TREML4: variants seen among roughly 807,000 people sequenced by gnomAD.
TREML4 encodes triggering receptor expressed on myeloid cells like 4.
A neutral mutation model predicts 25.4 loss-of-function variants in TREML4; 25 were observed. The observed-to-expected ratio is 0.98, with a 90% CI of 0.72 to 1.37. The LOEUF (loss-of-function observed/expected upper bound fraction) is 1.37. Ranked by LOEUF, TREML4 falls within the 40% of genes most tolerant of loss-of-function variation. TREML4 has a pLI of 0.00. For synonymous variants in TREML4, 92 were observed against 87.9 expected (o/e 1.05, Z -0.26); for missense variants, 268 against 236.5 (o/e 1.13, Z -0.87).
rs1383963681 is a variant in TREML4, at chr6:41,228,899, C to G, written c.249C>G (p.Ile83Met). 1 of 1,614,066 alleles carries G rather than the reference C, an allele frequency of 6.2e-7. No individual in the cohort carries two copies. The highest frequency in any genetic ancestry group is 8.5e-7 in the Non-Finnish European group (1 of 1,180,032). The change falls in exon 2 of 6, where the codon ATC becomes ATG. Residue 83 changes from isoleucine to methionine, a missense_variant. Ile to Met is a conservative substitution (Grantham distance 10, BLOSUM62 1). Coordinates refer to ENST00000341495, the MANE Select transcript of TREML4 (RefSeq NM_198153.3). ...CAGTTCAGAAGTCTCATTACACAATCTGGGACAAGCCCAATGCTGGCTTCT... is the reference window on the plus strand; with the variant it reads ...CAGTTCAGAAGTCTCATTACACAATGTGGGACAAGCCCAATGCTGGCTTCT... ...WTAVQKSHYT[I>M]WDKPNAGFFN...
intron 4 of TREML4, 151 bp downstream of exon 4, chr6:41,230,273 C>T: frequency 3.3e-6 from 2 of 609,622 alleles, no homozygotes; most frequent in East Asian, 5.5e-5. Flanking sequence ...CAGGCCATGA[C>T]TCAAAATTTG....
Position 41,236,623 on chromosome 6 carries a change from G to A in TREML4, c.*35+6G>A, listed in dbSNP as rs774496328. On this transcript the variant is annotated splice_donor_region_variant and intron_variant, in intron 5 of 5. Transcript: ENST00000341495. ...CTGATCTGCAGGTGCCACAGGTGAG[G>A]GGGCCTGGATTTCACCTGGGGGCAA... 6.5e-7 allele frequency: 1 copy of A among 1,531,020 alleles called. No individual in the cohort carries two copies. The highest frequency in any genetic ancestry group is 1.1e-5 in the South Asian group (1 of 88,668). The allele number at this position is 1,531,020 out of a possible 1,614,324, so 94.8% of individuals were successfully genotyped here. A position where few individuals can be genotyped will look rare whatever the true frequency, so the allele number is the denominator to read the frequency against.
At chr6:41,229,911 T>C (rs1013319392) in intron 3 of TREML4, 151 bp from the exon 4 acceptor site, 1 of 705,042 alleles carries the variant, frequency 1.4e-6, no homozygotes, top group Non-Finnish European at 2.5e-6. Context: ...CAGCTGGTTA[T>C]GGAGATCTCA....
At position 41,237,995 on chromosome 6, in the gene TREML4, G is replaced by A. The variant is rs1286463817; in HGVS notation, c.*976G>A. 2.6e-5 allele frequency: 4 copies of A among 152,214 alleles called. No individual in the cohort carries two copies. The highest frequency in any genetic ancestry group is 7.2e-5 in the African/African-American group (3 of 41,446). The allele number at this position is 152,214 out of a possible 1,614,324, so 9.4% of individuals were successfully genotyped here. On this transcript the variant is annotated 3_prime_UTR_variant, in exon 6 of 6. Coordinates refer to ENST00000341495, the MANE Select transcript of TREML4 (RefSeq NM_198153.3). ...TCCAACTAACATCTAGTGAGACTGG[G>A]ATTCACCACTCAGAATGGGGGTCCA...
chr6:41,230,324 G>A (rs1766768675), intron 4 of TREML4, among the ~76,000 whole-genome samples: 1 of 152,162 alleles, frequency 6.6e-6, no homozygotes, highest in Non-Finnish European at 1.5e-5. Flanking sequence ...TGTTAATTGT[G>A]GAGGAACCAT....
In TREML4 at chr6:41,238,182, C is replaced by T. The variant is rs1194230700; in HGVS notation, c.*1163C>T. On this transcript the variant is annotated 3_prime_UTR_variant, in exon 6 of 6. Coordinates refer to ENST00000341495, the MANE Select transcript of TREML4 (RefSeq NM_198153.3). ...TCAGCTCCTGCCACATGATCATCACCTATCTGTGAGAGGCATCGCTTTTGC... is the reference window on the plus strand; with the variant it reads ...TCAGCTCCTGCCACATGATCATCACTTATCTGTGAGAGGCATCGCTTTTGC... The T allele has an allele frequency of 2.6e-5, 4 of 152,186 alleles. No homozygotes were observed. The highest frequency in any genetic ancestry group is 5.9e-5 in the Non-Finnish European group (4 of 68,036). The allele number at this position is 152,186 out of a possible 1,614,324, so 9.4% of individuals were successfully genotyped here.
In TREML4 at chr6:41,233,313, C is replaced by T. The variant is rs551796387; in HGVS notation, c.507-3173C>T. ...AACTCACAAAATAAGGACAGGGACA[C>T]TCTGAGTTTTAAAAAGTGCAATGTT... On this transcript the variant is annotated intron_variant, in intron 4 of 5. Transcript: ENST00000341495. Among the ~76,000 whole-genome samples the T allele has an allele frequency of 9.1e-4, 138 of 152,212 alleles. 1 individual carries two copies. The highest frequency in any genetic ancestry group is 3.1e-3 in the African/African-American group (130 of 41,530).
intron 3 of TREML4, among the ~76,000 whole-genome samples, chr6:41,229,847 C>T (rs1766753622): frequency 6.6e-6 from 1 of 152,140 alleles, no homozygotes. Flanking sequence ...GTGTCCCAGC[C>T]CTCCTGCCCC....
intron 4 of TREML4, among the ~76,000 whole-genome samples, chr6:41,234,028 A>G (rs1766852334): frequency 6.6e-6 from 1 of 151,728 alleles, no homozygotes; most frequent in Non-Finnish European, 1.5e-5. Flanking sequence ...CATAATAAAA[A>G]CAGATAGTAT....
chr6:41,228,896 A>G lies in TREML4; in HGVS notation c.246A>G (p.Thr82=). 2 of 1,614,158 alleles carry G rather than the reference A, an allele frequency of 1.2e-6. No individual in the cohort carries two copies. Among genetic ancestry groups the G allele is most frequent in the Non-Finnish European group, 1.7e-6 (2 of 1,180,016 alleles). The stretch of plus-strand genomic sequence containing the variant: ...CAGCAGTTCAGAAGTCTCATTACAC[A>G]ATCTGGGACAAGCCCAATGCTGGCT... The part of the protein sequence containing the change: ...PWTAVQKSHY[T]IWDKPNAGFF... Residue 82 remains threonine, a synonymous_variant, in exon 2 of 6, where the codon ACA becomes ACG. Coordinates refer to ENST00000341495, the MANE Select transcript of TREML4 (RefSeq NM_198153.3).
intron 4 of TREML4, among the ~76,000 whole-genome samples, chr6:41,232,775 T>G (rs1391457786): frequency 6.6e-6 from 1 of 152,188 alleles, no homozygotes; most frequent in African/African-American, 2.4e-5. Flanking sequence ...ATAGGGTTCA[T>G]GCTACTACGA....
intron 1 of TREML4, 74 bp downstream of exon 1, chr6:41,228,564 C>T (rs1766722810): frequency 2.0e-6 from 3 of 1,538,030 alleles, no homozygotes; most frequent in Non-Finnish European, 2.7e-6. Flanking sequence ...AGCAGCATGG[C>T]TGTGTGACCA....
intron 4 of TREML4, among the ~76,000 whole-genome samples, chr6:41,236,106 C>T (rs1231358923): frequency 6.6e-6 from 1 of 152,114 alleles, no homozygotes; most frequent in Non-Finnish European, 1.5e-5. Flanking sequence ...GCCTCATTTC[C>T]TCAGATGTGA....
chr6:41,235,188 A>G (rs774197304), intron 4 of TREML4, among the ~76,000 whole-genome samples: 2 of 152,164 alleles, frequency 1.3e-5, no homozygotes, highest in Non-Finnish European at 2.9e-5. Flanking sequence ...AGCTCTTAAT[A>G]AAATGGAAGT....
intron 4 of TREML4, among the ~76,000 whole-genome samples, chr6:41,234,015 C>A (rs527657922): frequency 1.6e-4 from 24 of 151,564 alleles, no homozygotes; most frequent in African/African-American, 5.8e-4. Context: ...TTATAACCCT[C>A]TACATAATAA....
Position 41,229,722 on chromosome 6 carries a change from T to G in TREML4, c.445+151T>G, listed in dbSNP as rs145053167. 2.2e-3 allele frequency: 1,755 copies of G among 802,000 alleles called. 8 individuals carry two copies. Among genetic ancestry groups the G allele is most frequent in the Non-Finnish European group, 3.3e-3 (1,524 of 463,510 alleles). The allele number at this position is 802,000 out of a possible 1,614,324, so 49.7% of individuals were successfully genotyped here. A position where few individuals can be genotyped will look rare whatever the true frequency, so the allele number is the denominator to read the frequency against. Reference sequence around the variant, plus strand: ...GTGGGAAGCTACCTTCAGGGCCCACTGTCTCTTAGGGAGAGAAACATGCAC... The same window carrying G: ...GTGGGAAGCTACCTTCAGGGCCCACGGTCTCTTAGGGAGAGAAACATGCAC... On this transcript the variant is annotated intron_variant, in intron 3 of 5. Coordinates refer to ENST00000341495, the MANE Select transcript of TREML4 (RefSeq NM_198153.3).
At chr6:41,234,502 T>C (rs1766863382) in intron 4 of TREML4, among the ~76,000 whole-genome samples, 2 of 135,122 alleles carry the variant, frequency 1.5e-5, no homozygotes, top group African/African-American at 5.4e-5. Context: ...GATAGACATG[T>C]TCTTGTCAAG....
Position 41,230,064 on chromosome 6 carries a change from C to A in TREML4, c.448C>A (p.Leu150Met), listed in dbSNP as rs143797843. 2 of 1,610,622 alleles carry A rather than the reference C, an allele frequency of 1.2e-6. No homozygotes were observed. Among genetic ancestry groups the A allele is most frequent in the Non-Finnish European group, 1.7e-6 (2 of 1,176,814 alleles). The change falls in exon 4 of 6, where the codon CTG (leucine) becomes ATG (methionine). Residue 150 changes from leucine (L) to methionine (M), a missense_variant and splice_region_variant. By Grantham distance (15) the Leu-to-Met change is conservative. Transcript: ENST00000341495. ...TLPWLPTSTV[L>M]ITSPEGTSGH... ...TGTCTTCTTTGTGTCCTCTTTAGTTCTGATCACTTCTCCAGAGGGGACCTC... is the reference window on the plus strand; with the variant it reads ...TGTCTTCTTTGTGTCCTCTTTAGTTATGATCACTTCTCCAGAGGGGACCTC...
At chr6:41,230,792 G>A (rs1766781654) in intron 4 of TREML4, among the ~76,000 whole-genome samples, 1 of 152,208 alleles carries the variant, frequency 6.6e-6, no homozygotes, top group Non-Finnish European at 1.5e-5. Flanking sequence ...GCTAATGGGG[G>A]TCCCTGGGGT....
Sources: gnomAD v4.1 joint callset for allele counts (sites outside exome capture counted in the v4.1 genomes callset) on GRCh38, gnomAD v4.1.1 for gene constraint, MANE v1.5 for transcripts, NCBI Gene and HGNC (gene_info 2026-07-23, HGNC 2026-07-21) for gene names.